TAFA1: variants seen among roughly 807,000 people sequenced by gnomAD.
TAFA1 encodes TAFA chemokine like family member 1.
Under a neutral mutation model 18.5 loss-of-function variants are expected in TAFA1, and 4 were observed. The observed-to-expected ratio is 0.22, with a 90% confidence interval of 0.11 to 0.49. TAFA1 has a LOEUF of 0.49. TAFA1 is among the 20% of genes least tolerant of loss of function. The probability of loss-of-function intolerance (pLI) is 0.98; values close to 1 mark genes in which losing one functional copy is unlikely to be tolerated. For missense variants in TAFA1, 147 were observed against 169.0 expected, an observed-to-expected ratio of 0.87 and a Z score of 0.72; for synonymous variants, 56 against 55.2, an observed-to-expected ratio of 1.01 and a Z score of -0.06.
At chr3:68,248,897 G>C (rs924874050) in intron 2 of TAFA1, among the ~76,000 whole-genome samples, 3 of 152,098 alleles carry the variant, frequency 2.0e-5, no homozygotes, top group Admixed American at 2.0e-4. Context: ...CTGTAGGAAG[G>C]CGAATATGTT....
intron 3 of TAFA1, among the ~76,000 whole-genome samples, chr3:68,467,699 C>T (rs553936054): frequency 2.9e-4 from 44 of 152,222 alleles, no homozygotes; most frequent in African/African-American, 9.9e-4. Context: ...TGAAGGCAGA[C>T]CAGGTTCCTC....
intron 2 of TAFA1, among the ~76,000 whole-genome samples, chr3:68,103,469 G>A (rs1034293364): frequency 6.6e-6 from 1 of 152,060 alleles, no homozygotes; most frequent in African/African-American, 2.4e-5. Context: ...ATTATTAAAG[G>A]GGAAAATACA....
intron 2 of TAFA1, among the ~76,000 whole-genome samples, chr3:68,412,182 G>C (rs1006569564): frequency 6.6e-6 from 1 of 152,092 alleles, no homozygotes; most frequent in Non-Finnish European, 1.5e-5. Context: ...TGGAGCATTT[G>C]TCATTTCTCA....
intron 3 of TAFA1, among the ~76,000 whole-genome samples, chr3:68,448,879 T>C (rs750611807): frequency 1.3e-5 from 2 of 152,196 alleles, no homozygotes; most frequent in Non-Finnish European, 2.9e-5. Context: ...TGGAATGACA[T>C]TGTGGGCTAT....
intron 2 of TAFA1, among the ~76,000 whole-genome samples, chr3:68,319,650 T>A (rs533479190): frequency 8.5e-4 from 130 of 152,368 alleles, no homozygotes; most frequent in Non-Finnish European, 1.3e-3. Flanking sequence ...TAAGTTAAAT[T>A]CATTCTTGGC....
intron 2 of TAFA1, among the ~76,000 whole-genome samples, chr3:68,345,102 A>G (rs1042379599): frequency 6.6e-6 from 1 of 152,006 alleles, no homozygotes; most frequent in Non-Finnish European, 1.5e-5. Flanking sequence ...TTGGCATCAT[A>G]TGGAGTGTAA....
At chr3:68,376,459 A>G (rs775360426) in intron 2 of TAFA1, among the ~76,000 whole-genome samples, 1 of 151,756 alleles carries the variant, frequency 6.6e-6, no homozygotes, top group Admixed American at 6.6e-5. Flanking sequence ...CATTGTGTCC[A>G]TGTGTTCTCA....
chr3:68,415,284 T>A (rs1174723999), intron 2 of TAFA1, among the ~76,000 whole-genome samples: 1 of 152,166 alleles, frequency 6.6e-6, no homozygotes, highest in African/African-American at 2.4e-5. Context: ...AAATTCCCAT[T>A]CATTGCTGTG....
At chr3:68,322,917 T>G (rs2068717375) in intron 2 of TAFA1, among the ~76,000 whole-genome samples, 1 of 152,122 alleles carries the variant, frequency 6.6e-6, no homozygotes, top group Admixed American at 6.5e-5. Context: ...CACTCCAGCC[T>G]GGGGGACAGA....
intron 3 of TAFA1, among the ~76,000 whole-genome samples, chr3:68,528,509 T>C (rs1024858325): frequency 1.3e-5 from 2 of 152,188 alleles, no homozygotes; most frequent in African/African-American, 4.8e-5. Context: ...CTGTTTGCTT[T>C]GATAAAGACA....
Position 68,383,153 on chromosome 3 carries a change from G to A in TAFA1, c.119-34127G>A, listed in dbSNP as rs553883662. 1.8e-3 allele frequency among the ~76,000 whole-genome samples: 278 copies of A among 152,046 alleles called. 2 individuals carry two copies. The highest frequency in any genetic ancestry group is 0.014 in the Middle Eastern group (4 of 294). ...TAGGATCATGTCATCAGCAGAGAGGGATAGTTTGACTTACTCTCTTTATTT... is the reference window on the plus strand; with the variant it reads ...TAGGATCATGTCATCAGCAGAGAGGAATAGTTTGACTTACTCTCTTTATTT... On this transcript the variant is annotated intron_variant, in intron 2 of 4. Coordinates refer to ENST00000478136, the MANE Select transcript of TAFA1 (RefSeq NM_213609.4).
chr3:68,350,433 A>C (rs2069245537), intron 2 of TAFA1, among the ~76,000 whole-genome samples: 1 of 152,154 alleles, frequency 6.6e-6, no homozygotes, highest in Non-Finnish European at 1.5e-5. Flanking sequence ...GACTTTTTGC[A>C]GTAGAATCAT....
At chr3:68,008,017 C>A (rs1419614362) in intron 2 of TAFA1, among the ~76,000 whole-genome samples, 1 of 152,228 alleles carries the variant, frequency 6.6e-6, no homozygotes, top group Non-Finnish European at 1.5e-5. Context: ...GGAGCTCGGG[C>A]CGCCCCGGGA....
intron 3 of TAFA1, among the ~76,000 whole-genome samples, chr3:68,421,914 A>T (rs1411581552): frequency 6.6e-6 from 1 of 152,080 alleles, no homozygotes; most frequent in Non-Finnish European, 1.5e-5. Flanking sequence ...CCAACTAATT[A>T]TCCTGGATAT....
chr3:68,188,868 G>A (rs1368223629), intron 2 of TAFA1, among the ~76,000 whole-genome samples: 1 of 151,764 alleles, frequency 6.6e-6, no homozygotes, highest in Non-Finnish European at 1.5e-5. Flanking sequence ...TTGTTCGTTT[G>A]TTTGTTTGTT....
chr3:68,252,258 T>A (rs751678193), intron 2 of TAFA1, among the ~76,000 whole-genome samples: 1 of 152,182 alleles, frequency 6.6e-6, no homozygotes, highest in Non-Finnish European at 1.5e-5. Flanking sequence ...AAGTTTTGTC[T>A]CAAGTCTTGT....
chr3:68,381,804 T>C (rs1322772073), intron 2 of TAFA1, among the ~76,000 whole-genome samples: 1 of 152,188 alleles, frequency 6.6e-6, no homozygotes, highest in Non-Finnish European at 1.5e-5. Context: ...CTTCCAACAC[T>C]ATGTTGAATA....
chr3:68,444,771 AATATATATATATATATATAT>A (rs55684696), intron 3 of TAFA1, among the ~76,000 whole-genome samples: 1,440 of 127,272 alleles, frequency 0.011, 50 homozygotes, highest in South Asian at 0.047. Flanking sequence ...GTTTCTACAA[AATATATATATATATATATAT>A]ATATATATAT....
intron 4 of TAFA1, among the ~76,000 whole-genome samples, chr3:68,543,890 G>A (rs1332453971): frequency 6.6e-6 from 1 of 151,982 alleles, no homozygotes; most frequent in African/African-American, 2.4e-5. Flanking sequence ...TTCTCACCTT[G>A]CACAGGAACA....
Sources: gnomAD v4.1 joint callset for allele counts (sites outside exome capture counted in the v4.1 genomes callset) on GRCh38, gnomAD v4.1.1 for gene constraint, MANE v1.5 for transcripts, NCBI Gene and HGNC (gene_info 2026-07-23, HGNC 2026-07-21) for gene names.